GADL1: variants seen among roughly 807,000 people sequenced by gnomAD.
The protein encoded by GADL1 is acidic amino acid decarboxylase GADL1.
A neutral mutation model predicts 69.5 loss-of-function variants in GADL1; 71 were observed. The ratio of observed to expected loss-of-function variants is 1.02; its 90% CI spans 0.84 to 1.25. The LOEUF is 1.25. Ranked by LOEUF, GADL1 falls within the 50% of genes most tolerant of loss-of-function variation. The pLI is 0.00. For missense variants in GADL1, 737 were observed against 631.8 expected (o/e 1.17, Z -1.79); for synonymous variants, 254 against 214.4 (o/e 1.18, Z -1.62).
intron 13 of GADL1, among the ~76,000 whole-genome samples, chr3:30,784,935 A>G (rs1029282700): frequency 6.6e-6 from 1 of 151,682 alleles, no homozygotes; most frequent in Non-Finnish European, 1.5e-5. Flanking sequence ...CAAAGACAGA[A>G]CTCTCTTCAG....
chr3:30,820,641 G>A (rs1697557170), intron 11 of GADL1, among the ~76,000 whole-genome samples: 1 of 152,080 alleles, frequency 6.6e-6, no homozygotes, highest in African/African-American at 2.4e-5. Flanking sequence ...AGCCATTGAT[G>A]GGGTTGTTTT....
intron 14 of GADL1, among the ~76,000 whole-genome samples, chr3:30,731,691 CAT>C (rs2125468747): frequency 6.6e-6 from 1 of 152,240 alleles, no homozygotes; most frequent in South Asian, 2.1e-4. Context: ...ATTATAAAGA[CAT>C]AACTAAATAT....
chr3:30,888,598 T>C (rs941926513), intron 1 of GADL1, among the ~76,000 whole-genome samples: 10 of 152,058 alleles, frequency 6.6e-5, no homozygotes, highest in African/African-American at 2.4e-4. Context: ...TGGGACGCAA[T>C]AGGGGTACTG....
At chr3:30,860,935 G>A (rs1208984208) in intron 2 of GADL1, among the ~76,000 whole-genome samples, 1 of 151,898 alleles carries the variant, frequency 6.6e-6, no homozygotes, top group Middle Eastern at 3.2e-3. Context: ...CTGCCTTTTA[G>A]TGCTTTTGAA....
At chr3:30,797,279 G>A (rs1697053369) in intron 12 of GADL1, among the ~76,000 whole-genome samples, 1 of 152,068 alleles carries the variant, frequency 6.6e-6, no homozygotes, top group Non-Finnish European at 1.5e-5. Flanking sequence ...GACCTCTAGG[G>A]GGAAAACAAT....
intron 14 of GADL1, among the ~76,000 whole-genome samples, chr3:30,755,295 C>CT (rs1695941397): frequency 1.4e-5 from 2 of 141,086 alleles, no homozygotes; most frequent in Admixed American, 6.9e-5. Context: ...ATTTATTAAC[C>CT]TGGATGCTTT....
chr3:30,742,865 T>C (rs578256106), intron 14 of GADL1, among the ~76,000 whole-genome samples: 1 of 152,292 alleles, frequency 6.6e-6, no homozygotes, highest in South Asian at 2.1e-4. Context: ...GAAGTAATTT[T>C]GGATTACTTT....
chr3:30,796,561 TGA>T (rs1575209661), intron 12 of GADL1, among the ~76,000 whole-genome samples: 2 of 152,124 alleles, frequency 1.3e-5, no homozygotes, highest in East Asian at 1.9e-4. Flanking sequence ...TCGGGATTGT[TGA>T]GAGAGGAGTA....
chr3:30,810,191 G>A (rs1048173356), intron 11 of GADL1, among the ~76,000 whole-genome samples: 1 of 152,134 alleles, frequency 6.6e-6, no homozygotes, highest in Non-Finnish European at 1.5e-5. Flanking sequence ...CTGGCTTGAT[G>A]GTCTGCCTGG....
intron 14 of GADL1, among the ~76,000 whole-genome samples, chr3:30,741,686 C>T (rs1695628794): frequency 6.6e-6 from 1 of 152,006 alleles, no homozygotes; most frequent in South Asian, 2.1e-4. Context: ...TTATATTAAG[C>T]CCATGTATAA....
chr3:30,741,015 T>TTATATATTAATATATATTATATAA (rs1559484073), intron 14 of GADL1, among the ~76,000 whole-genome samples: 1 of 106,542 alleles, frequency 9.4e-6, no homozygotes, highest in African/African-American at 3.9e-5. Context: ...ATATTATATA[T>TTATATATTAATATATATTATATAA]TATATAATAT....
intron 12 of GADL1, among the ~76,000 whole-genome samples, chr3:30,790,253 C>T (rs1019707160): frequency 6.6e-6 from 1 of 152,166 alleles, no homozygotes; most frequent in African/African-American, 2.4e-5. Flanking sequence ...AGTTGGACAG[C>T]AGTCAGAACA....
intron 11 of GADL1, among the ~76,000 whole-genome samples, chr3:30,829,204 G>T (rs908839174): frequency 6.6e-6 from 1 of 151,714 alleles, no homozygotes; most frequent in Admixed American, 6.6e-5. Flanking sequence ...TAAAATCCCT[G>T]ATTTTCTTTT....
chr3:30,781,367 T>C (rs13316876), intron 13 of GADL1, among the ~76,000 whole-genome samples: 31,347 of 152,124 alleles, frequency 0.21, 7,230 homozygotes, highest in African/African-American at 0.55. Flanking sequence ...AAAACTGAGT[T>C]ATGTCAAAAG....
chr3:30,818,801 TTG>T (rs1222223600), intron 11 of GADL1, among the ~76,000 whole-genome samples: 1 of 152,144 alleles, frequency 6.6e-6, no homozygotes, highest in Non-Finnish European at 1.5e-5. Context: ...GTCACTGCAG[TTG>T]TGTGTTGAGC....
Position 30,790,220 on chromosome 3 carries a change from A to AG in GADL1, c.1251-3815dup, listed in dbSNP as rs1347951596. Among the ~76,000 whole-genome samples the AG allele has an allele frequency of 2.6e-5, 4 of 152,178 alleles. No individual in the cohort carries two copies. In the East Asian group the frequency reaches 7.7e-4, roughly 29 times the overall value. ...TGTCTCAGGAAATTGGAAAGCCTGA[A>AG]GAGGAGAGAGATGGGAATGGCCAGT... On this transcript the variant is annotated intron_variant, in intron 12 of 14. Coordinates refer to ENST00000282538, the MANE Select transcript of GADL1 (RefSeq NM_207359.3).
chr3:30,870,510 T>C (rs186456663), intron 1 of GADL1, among the ~76,000 whole-genome samples: 42 of 151,834 alleles, frequency 2.8e-4, no homozygotes, highest in African/African-American at 9.9e-4. Flanking sequence ...CGTATTTTAC[T>C]CTAAAATCAA....
intron 2 of GADL1, among the ~76,000 whole-genome samples, chr3:30,859,118 G>C (rs1698276606): frequency 6.6e-6 from 1 of 151,888 alleles, no homozygotes; most frequent in Non-Finnish European, 1.5e-5. Context: ...TTTGAAGTGA[G>C]AATGTAGGAG....
At chr3:30,781,077 CTA>C (rs1696654806) in intron 13 of GADL1, among the ~76,000 whole-genome samples, 2 of 152,002 alleles carry the variant, frequency 1.3e-5, no homozygotes, top group African/African-American at 4.8e-5. Flanking sequence ...CACATTTAGT[CTA>C]TGTTCTAAAA....
Sources: gnomAD v4.1 joint callset for allele counts (sites outside exome capture counted in the v4.1 genomes callset) on GRCh38, gnomAD v4.1.1 for gene constraint, MANE v1.5 for transcripts, NCBI Gene and HGNC (gene_info 2026-07-23, HGNC 2026-07-21) for gene names.